The following PTPRM variants were observed in gnomAD, a reference collection of about 807,000 sequenced individuals.
The protein encoded by PTPRM is receptor-type tyrosine-protein phosphatase mu.
PTPRM carries 47 observed loss-of-function variants against 186.7 expected under a neutral mutation model. The observed-to-expected ratio is 0.25, with a 90% CI of 0.20 to 0.32. PTPRM has a LOEUF of 0.32. Ranked by LOEUF, PTPRM falls within the 10% of genes least tolerant of loss-of-function variation. PTPRM has a pLI of 1.00. For synonymous variants in PTPRM, 668 were observed against 674.9 expected, an observed-to-expected ratio of 0.99 and a Z score of 0.16; for missense variants, 1,494 against 1,865.0, an observed-to-expected ratio of 0.80 and a Z score of 3.66.
chr18:8,114,748 GA>G (rs2091891407), intron 12 of PTPRM, 42 bp from the exon 13 acceptor site: 1 of 1,513,342 alleles, frequency 6.6e-7, no homozygotes, highest in African/African-American at 1.4e-5. Flanking sequence ...TTGTCTTAAA[GA>G]AAACATGAAT....
intron 7 of PTPRM, among the ~76,000 whole-genome samples, chr18:7,997,362 T>A (rs1282892359): frequency 6.6e-6 from 1 of 152,072 alleles, no homozygotes; most frequent in Non-Finnish European, 1.5e-5. Flanking sequence ...TAGACCCCCA[T>A]CACCAAATAT....
At chr18:7,717,469 A>G (rs1350191093) in intron 1 of PTPRM, among the ~76,000 whole-genome samples, 4 of 152,156 alleles carry the variant, frequency 2.6e-5, no homozygotes, top group Non-Finnish European at 5.9e-5. Flanking sequence ...CAGCAGTAAA[A>G]TCGCCCACAG....
chr18:7,834,799 G>T (rs1385702604), intron 2 of PTPRM, among the ~76,000 whole-genome samples: 1 of 151,724 alleles, frequency 6.6e-6, no homozygotes, highest in African/African-American at 2.4e-5. Context: ...CTCGTTATTG[G>T]TCTGTTCAAG....
At chr18:7,979,194 G>A (rs2055165284) in intron 7 of PTPRM, among the ~76,000 whole-genome samples, 1 of 152,200 alleles carries the variant, frequency 6.6e-6, no homozygotes, top group Non-Finnish European at 1.5e-5. Flanking sequence ...AGAGTCCTTT[G>A]TTCTGGCCAC....
At chr18:7,638,172 A>C (rs1005132832) in intron 1 of PTPRM, among the ~76,000 whole-genome samples, 2 of 152,176 alleles carry the variant, frequency 1.3e-5, no homozygotes, top group African/African-American at 4.8e-5. Context: ...TGAGATAGTC[A>C]CATTTCCTAG....
At chr18:8,188,893 T>C (rs905082934) in intron 14 of PTPRM, among the ~76,000 whole-genome samples, 2 of 152,186 alleles carry the variant, frequency 1.3e-5, no homozygotes, top group Non-Finnish European at 2.9e-5. Context: ...GGCATAAATA[T>C]AAGTCATAAG....
chr18:7,919,475 G>A (rs976599728), intron 4 of PTPRM, among the ~76,000 whole-genome samples: 3 of 151,996 alleles, frequency 2.0e-5, no homozygotes, highest in Non-Finnish European at 4.4e-5. Context: ...TCTTCGATTG[G>A]TTGTTCACTA....
intron 5 of PTPRM, among the ~76,000 whole-genome samples, chr18:7,929,559 A>G (rs906919010): frequency 2.6e-5 from 4 of 152,228 alleles, no homozygotes; most frequent in Non-Finnish European, 1.5e-5. Flanking sequence ...TGATGTTAGA[A>G]TAATTTTACT....
intron 23 of PTPRM, among the ~76,000 whole-genome samples, chr18:8,356,024 C>A (rs1323338995): frequency 2.0e-5 from 3 of 152,152 alleles, no homozygotes; most frequent in Non-Finnish European, 4.4e-5. Context: ...GACAAGCCAC[C>A]CAATAGGGAA....
chr18:7,722,383 C>G (rs2040463401), intron 1 of PTPRM, among the ~76,000 whole-genome samples: 1 of 151,974 alleles, frequency 6.6e-6, no homozygotes, highest in African/African-American at 2.4e-5. Flanking sequence ...TGTTGGAACA[C>G]CTAGATAATC....
At chr18:7,732,746 C>T (rs1448413071) in intron 1 of PTPRM, among the ~76,000 whole-genome samples, 1 of 152,046 alleles carries the variant, frequency 6.6e-6, no homozygotes, top group Non-Finnish European at 1.5e-5. Context: ...CTCAAGTGGT[C>T]CTCCCACCTT....
intron 1 of PTPRM, among the ~76,000 whole-genome samples, chr18:7,670,796 A>G (rs1245369070): frequency 6.6e-6 from 1 of 152,182 alleles, no homozygotes. Flanking sequence ...AAACACCTCA[A>G]ATGAATTCTG....
At chr18:8,242,001 A>G (rs1387755813) in intron 14 of PTPRM, among the ~76,000 whole-genome samples, 1 of 152,150 alleles carries the variant, frequency 6.6e-6, no homozygotes, top group Non-Finnish European at 1.5e-5. Flanking sequence ...GAGGATTAGA[A>G]GGGAGAAAGA....
intron 1 of PTPRM, among the ~76,000 whole-genome samples, chr18:7,658,210 G>A (rs2144351350): frequency 6.6e-6 from 1 of 151,618 alleles, no homozygotes; most frequent in African/African-American, 2.4e-5. Context: ...TGCTGTTCTG[G>A]GCTCTGGGGT....
chr18:7,999,733 TAGAC>T (rs1411280956), intron 7 of PTPRM, among the ~76,000 whole-genome samples: 1 of 152,042 alleles, frequency 6.6e-6, no homozygotes, highest in East Asian at 2.0e-4. Context: ...GGTTCCAAGA[TAGAC>T]AGATGCTCAA....
intron 7 of PTPRM, among the ~76,000 whole-genome samples, chr18:7,973,975 A>G (rs941212635): frequency 1.3e-5 from 2 of 151,790 alleles, no homozygotes; most frequent in Non-Finnish European, 2.9e-5. Context: ...GTAAAAAAAA[A>G]AAAAGACTTG....
intron 14 of PTPRM, among the ~76,000 whole-genome samples, chr18:8,214,766 C>T (rs2094056545): frequency 1.3e-5 from 2 of 152,094 alleles, no homozygotes; most frequent in East Asian, 1.9e-4. Flanking sequence ...CAGGTTCAAG[C>T]GATTCTCCTA....
chr18:7,929,354 C>T (rs2051348779), intron 5 of PTPRM, among the ~76,000 whole-genome samples: 1 of 152,140 alleles, frequency 6.6e-6, no homozygotes, highest in South Asian at 2.1e-4. Context: ...CAGTCGGTCC[C>T]TTAATGCCTT....
chr18:7,922,358 C>G (rs879838760), intron 4 of PTPRM, among the ~76,000 whole-genome samples: 1 of 152,210 alleles, frequency 6.6e-6, no homozygotes, highest in Admixed American at 6.5e-5. Context: ...GTACCTTTTT[C>G]TCTGTCCTTA....
Sources: gnomAD v4.1 joint callset for allele counts (sites outside exome capture counted in the v4.1 genomes callset) on GRCh38, gnomAD v4.1.1 for gene constraint, MANE v1.5 for transcripts, NCBI Gene and HGNC (gene_info 2026-07-23, HGNC 2026-07-21) for gene names.